The following SNX7 variants were observed in gnomAD, a reference collection of about 807,000 sequenced individuals.
SNX7 encodes the protein sorting nexin 7.
A neutral mutation model predicts 48.4 loss-of-function variants in SNX7; 35 were observed. The observed-to-expected ratio is 0.72, with a 90% CI of 0.55 to 0.96. SNX7 has a LOEUF of 0.96. Among genes scored for constraint, SNX7 ranks in the 40% least tolerant of loss-of-function variants. SNX7 has a pLI of 0.00. For synonymous variants in SNX7, 190 were observed against 190.2 expected (o/e 1.00, Z 0.01); for missense variants, 553 against 548.9 (o/e 1.01, Z -0.07).
In SNX7 at chr1:98,723,126, A is replaced by G. The variant is rs188068405; in HGVS notation, c.1126-15111A>G. 3.6e-3 allele frequency among the ~76,000 whole-genome samples: 552 copies of G among 152,306 alleles called. 5 individuals are homozygous for G. The highest frequency in any genetic ancestry group is 0.012 in the African/African-American group (516 of 41,576). ...ATAATTGCAAGATCTAATGAATGCT[A>G]AGGAAATGAATGGACTGAGATAGGA... On this transcript the variant is annotated intron_variant, in intron 7 of 8. Transcript: ENST00000306121.
Position 98,738,341 on chromosome 1 carries a change from G to T in SNX7, c.1230G>T (p.Lys410Asn), listed in dbSNP as rs1653899955. 1 of 1,613,362 alleles carries T rather than the reference G, an allele frequency of 6.2e-7. No individual in the cohort carries two copies. Among genetic ancestry groups the T allele is most frequent in the Admixed American group, 1.7e-5 (1 of 59,940 alleles). ...AACAAAATATGCAAAATGATATCAA[G>T]TTAGCATTTACAGATATGGCTGAGG... ...RWKQNMQNDIKLAFTDMAEEN... is the reference protein window; with the variant it reads ...RWKQNMQNDINLAFTDMAEEN... Residue 410 changes from lysine (K) to asparagine (N), a missense_variant, in exon 8 of 9, where the codon AAG becomes AAT. Lys to Asn is a moderately conservative substitution (Grantham distance 94). Transcript: ENST00000306121.
At chr1:98,729,623 C>CGT in intron 7 of SNX7, among the ~76,000 whole-genome samples, 1 of 151,986 alleles carries the variant, frequency 6.6e-6, no homozygotes, top group Non-Finnish European at 1.5e-5. Flanking sequence ...TCAGAGAATA[C>CGT]TATAAACACC....
intron 7 of SNX7, among the ~76,000 whole-genome samples, chr1:98,707,858 G>A (rs900696170): frequency 6.6e-6 from 1 of 152,092 alleles, no homozygotes; most frequent in African/African-American, 2.4e-5. Flanking sequence ...TATTCAAGCT[G>A]GTCCTTATTC....
chr1:98,744,227 A>T (rs1359076296), intron 8 of SNX7, among the ~76,000 whole-genome samples: 7 of 152,080 alleles, frequency 4.6e-5, no homozygotes, highest in African/African-American at 1.4e-4. Flanking sequence ...AAAAAATTAG[A>T]TAAAAGTTAG....
At chr1:98,693,802 A>G (rs1273121569) in intron 4 of SNX7, among the ~76,000 whole-genome samples, 1 of 152,214 alleles carries the variant, frequency 6.6e-6, no homozygotes, top group African/African-American at 2.4e-5. Flanking sequence ...TTGGGTAAAT[A>G]ATATATAATA....
At chr1:98,691,484 A>G in intron 3 of SNX7, 51 bp from the exon 4 acceptor site, 2 of 1,430,828 alleles carry the variant, frequency 1.4e-6, no homozygotes, top group Non-Finnish European at 9.3e-7. Flanking sequence ...AATTGCTTAT[A>G]AACCTATGGC....
intron 8 of SNX7, among the ~76,000 whole-genome samples, chr1:98,758,048 G>A (rs1323884837): frequency 2.0e-5 from 3 of 151,994 alleles, no homozygotes; most frequent in African/African-American, 7.2e-5. Context: ...TAGGTTTCAT[G>A]CTAAATCATA....
At chr1:98,666,339 A>T (rs977261517) in intron 1 of SNX7, among the ~76,000 whole-genome samples, 15 of 152,220 alleles carry the variant, frequency 9.9e-5, no homozygotes, top group African/African-American at 3.6e-4. Context: ...AACCAGTCAG[A>T]CCTGGAGCTG....
intron 1 of SNX7, among the ~76,000 whole-genome samples, chr1:98,663,556 G>C (rs1011930145): frequency 1.3e-5 from 2 of 151,920 alleles, no homozygotes; most frequent in Non-Finnish European, 2.9e-5. Context: ...GGCGTGTTGG[G>C]GGTTGCTGGA....
intron 4 of SNX7, among the ~76,000 whole-genome samples, chr1:98,694,383 A>AG (rs1651329092): frequency 6.6e-6 from 1 of 151,712 alleles, no homozygotes; most frequent in Non-Finnish European, 1.5e-5. Flanking sequence ...AAAAAAAAAA[A>AG]AAAAAAAGTT....
At chr1:98,697,466 C>A (rs986337041) in intron 5 of SNX7, among the ~76,000 whole-genome samples, 1 of 151,906 alleles carries the variant, frequency 6.6e-6, no homozygotes, top group African/African-American at 2.4e-5. Flanking sequence ...AAATTTTCCA[C>A]CACAAAAAGC....
intron 2 of SNX7, among the ~76,000 whole-genome samples, chr1:98,690,640 C>T (rs528795623): frequency 6.6e-6 from 1 of 152,178 alleles, no homozygotes; most frequent in East Asian, 1.9e-4. Flanking sequence ...CAGTTACATT[C>T]AGGTTATTTT....
chr1:98,671,707 T>G (rs191319212), intron 1 of SNX7, among the ~76,000 whole-genome samples: 86 of 152,234 alleles, frequency 5.6e-4, no homozygotes, highest in African/African-American at 1.8e-3. Flanking sequence ...TTTCTCTCTG[T>G]CATAGACAAA....
chr1:98,720,491 A>G (rs769404509), intron 7 of SNX7, among the ~76,000 whole-genome samples: 1 of 152,136 alleles, frequency 6.6e-6, no homozygotes, highest in Non-Finnish European at 1.5e-5. Flanking sequence ...TCCTTATTAA[A>G]GGATACTTTT....
chr1:98,724,117 A>G (rs1220803853), intron 7 of SNX7, among the ~76,000 whole-genome samples: 1 of 152,126 alleles, frequency 6.6e-6, no homozygotes, highest in East Asian at 1.9e-4. Context: ...TCTTACTCCT[A>G]TTTGATGAGA....
At chr1:98,732,175 T>C (rs1240665698) in intron 7 of SNX7, among the ~76,000 whole-genome samples, 1 of 152,132 alleles carries the variant, frequency 6.6e-6, no homozygotes. Context: ...TATTTTCAAC[T>C]AACAGTGGGC....
At chr1:98,738,952 T>C (rs1361715254) in intron 8 of SNX7, among the ~76,000 whole-genome samples, 2 of 151,882 alleles carry the variant, frequency 1.3e-5, no homozygotes. Flanking sequence ...TTTAACCTTA[T>C]CTCTGGCTGA....
chr1:98,724,260 G>A lies in SNX7; in HGVS notation c.1126-13977G>A, dbSNP rs773271105. Among the ~76,000 whole-genome samples the A allele has an allele frequency of 9.9e-5, 15 of 152,040 alleles. 1 individual carries two copies. The highest frequency in any genetic ancestry group is 6.8e-3 in the Middle Eastern group (2 of 294). ...TCATGTTAACCATTCTTGGGGCCCC[G>A]GGTAAACCCACTCTGGCCATTGCTG... On this transcript the variant is annotated intron_variant, in intron 7 of 8. Transcript: ENST00000306121.
At chr1:98,687,478 T>A (rs934262379) in intron 2 of SNX7, among the ~76,000 whole-genome samples, 4 of 152,126 alleles carry the variant, frequency 2.6e-5, no homozygotes, top group Non-Finnish European at 5.9e-5. Context: ...GATCATGTTA[T>A]CAAATAGTCT....
Sources: gnomAD v4.1 joint callset for allele counts (sites outside exome capture counted in the v4.1 genomes callset) on GRCh38, gnomAD v4.1.1 for gene constraint, MANE v1.5 for transcripts, NCBI Gene and HGNC (gene_info 2026-07-23, HGNC 2026-07-21) for gene names.